Variants in MEGF6 observed in about 807,000 individuals in gnomAD.
The protein encoded by MEGF6 is multiple EGF like domains 6.
In MEGF6, 184 loss-of-function variants were observed where a neutral mutation model predicts 207.1. That is an observed-to-expected ratio of 0.89 (90% CI 0.79 to 1.00). MEGF6 has a LOEUF of 1.00. Ranked by LOEUF, MEGF6 falls within the 50% of genes least tolerant of loss-of-function variation. The pLI is 0.00. For missense variants in MEGF6, 2,282 were observed against 2,202.9 expected (o/e 1.04, Z -0.72); for synonymous variants, 1,038 against 910.0 (o/e 1.14, Z -2.53).
chr1:3,558,442 G>A (rs905660848), intron 4 of MEGF6, among the ~76,000 whole-genome samples: 2 of 152,130 alleles, frequency 1.3e-5, no homozygotes, highest in African/African-American at 2.4e-5. Context: ...CAATATGTTG[G>A]GACAACTAAG....
At chr1:3,529,300 G>A (rs1236600817) in intron 4 of MEGF6, among the ~76,000 whole-genome samples, 1 of 152,194 alleles carries the variant, frequency 6.6e-6, no homozygotes, top group Non-Finnish European at 1.5e-5. Flanking sequence ...GCCGAAAGGA[G>A]CTTGGAGGCC....
chr1:3,514,538 G>A lies in MEGF6; in HGVS notation c.853+12C>T, dbSNP rs1352507793. The A allele has an allele frequency of 6.3e-7, 1 of 1,586,302 alleles. No individual in the cohort carries two copies. The highest frequency in any genetic ancestry group is 1.1e-5 in the South Asian group (1 of 87,966). ...ACCCTGGGCGGGGCGGAGCAGGGGA[G>A]GGGCGTCCTACCTTCACAGGCCTTG... On this transcript the variant is annotated intron_variant, in intron 7 of 36. Coordinates refer to ENST00000356575, the MANE Select transcript of MEGF6 (RefSeq NM_001409.4).
At position 3,494,632 on chromosome 1, in the gene MEGF6, C is replaced by A. The variant is rs775334325; in HGVS notation, c.3981G>T (p.Thr1327=). The part of the protein sequence containing the change: ...NGSCSCGLGW[T]GRHCELACPP... ...ACTCACCCAGCTCGCAGTGCCGCCC[C>A]GTCCAGCCCAGGCCACAGGAGCAGC... The change falls in exon 31 of 37, where the codon ACG becomes ACT. Residue 1327 remains threonine (T), a synonymous_variant. Transcript: ENST00000356575. The A allele has an allele frequency of 2.2e-5, 34 of 1,562,764 alleles. No individual in the cohort carries two copies. In the African/African-American group the frequency reaches 4.5e-4, roughly 21 times the overall value.
At chr1:3,607,643 G>A (rs899202963) in intron 1 of MEGF6, among the ~76,000 whole-genome samples, 2 of 152,218 alleles carry the variant, frequency 1.3e-5, no homozygotes, top group African/African-American at 4.8e-5. Flanking sequence ...CTGCACATGG[G>A]TCTGAGGAGA....
chr1:3,544,425 AG>A (rs144268322), intron 4 of MEGF6, among the ~76,000 whole-genome samples: 6,798 of 147,502 alleles, frequency 0.046, 539 homozygotes, highest in African/African-American at 0.17. Context: ...GCCTTTGTGC[AG>A]GGGCCCTCGG....
chr1:3,508,231 C>T (rs1035929657), intron 13 of MEGF6, among the ~76,000 whole-genome samples: 4 of 152,318 alleles, frequency 2.6e-5, no homozygotes, highest in East Asian at 1.9e-4. Context: ...TGCCGGCTGC[C>T]CTTCAGCAGA....
In MEGF6 at chr1:3,494,024, G is replaced by T. The variant is rs765642734; in HGVS notation, c.4230C>A (p.Ala1410=). The T allele has an allele frequency of 2.3e-5, 37 of 1,608,394 alleles. No individual in the cohort carries two copies. The highest frequency in any genetic ancestry group is 3.0e-5 in the Non-Finnish European group (35 of 1,178,262). ...TCTCACAGAAGTGGCCGTGGAAGCCGGCAGGGCAGAGGCATCGGCCACTGA... is the reference window on the plus strand; with the variant it reads ...TCTCACAGAAGTGGCCGTGGAAGCCTGCAGGGCAGAGGCATCGGCCACTGA... ...DPISGRCLCP[A]GFHGHFCERG... The change falls in exon 33 of 37, where the codon GCC becomes GCA. Residue 1410 remains alanine (A), a synonymous_variant. Transcript: ENST00000356575.
At chr1:3,611,064 G>T in intron 1 of MEGF6, 74 bp downstream of exon 1, 1 of 1,377,778 alleles carries the variant, frequency 7.3e-7, no homozygotes, top group Non-Finnish European at 9.3e-7. Flanking sequence ...CTCGGAGCTC[G>T]GTCCACCACG....
At chr1:3,514,389 G>A (rs1382302437) in intron 7 of MEGF6, among the ~76,000 whole-genome samples, 161 bp downstream of exon 7, 2 of 152,232 alleles carry the variant, frequency 1.3e-5, no homozygotes, top group Non-Finnish European at 2.9e-5. Context: ...CCCCCAGCAA[G>A]GGAGATGAGA....
At position 3,495,938 on chromosome 1, in the gene MEGF6, C is replaced by G. The variant is rs369163322; in HGVS notation, c.3823G>C (p.Gly1275Arg). 1 of 1,594,858 alleles carries G rather than the reference C, an allele frequency of 6.3e-7. No individual in the cohort carries two copies. The highest frequency in any genetic ancestry group is 8.5e-7 in the Non-Finnish European group (1 of 1,177,880). The change falls in exon 30 of 37, where the codon GGC becomes CGC. Residue 1275 changes from glycine (G) to arginine (R), a missense_variant. Physicochemically the swap from Gly to Arg is moderately radical, Grantham distance 125 (BLOSUM62 -2). Transcript: ENST00000356575. ...GQGAACDPVT[G>R]TCLCPPGRAG... ...CTCCCCGGGGGGCAGAGGCAGGTGC[C>G]GGTCACAGGGTCGCAGGCCGCCCCC...
In MEGF6 at chr1:3,511,589, G is replaced by A. The variant is rs375741264; in HGVS notation, c.1075C>T (p.Arg359Cys). 53 of 1,611,958 alleles carry A rather than the reference G, an allele frequency of 3.3e-5. No individual in the cohort carries two copies. The highest frequency in any genetic ancestry group is 1.7e-4 in the Middle Eastern group (1 of 6,052). ...TSAGPLCTCPRGYELDTDQRT... is the reference protein window; with the variant it reads ...TSAGPLCTCPCGYELDTDQRT... ...TGATCTGTGTCCAGCTCGTAGCCGC[G>A]GGGACATGTGCACAGGGGCCCAGCA... is the stretch of plus-strand genomic sequence containing the variant. The change falls in exon 9 of 37, where the codon CGC becomes TGC. Residue 359 changes from arginine to cysteine, a missense_variant. Physicochemically the swap from Arg to Cys is radical, Grantham distance 180 (BLOSUM62 -3). Coordinates refer to ENST00000356575, the MANE Select transcript of MEGF6 (RefSeq NM_001409.4).
At chr1:3,522,798 A>G (rs529748648) in intron 5 of MEGF6, among the ~76,000 whole-genome samples, 1 of 152,098 alleles carries the variant, frequency 6.6e-6, no homozygotes, top group Non-Finnish European at 1.5e-5. Flanking sequence ...CTGCCCTTCT[A>G]CAAGGAATAC....
At chr1:3,554,435 T>C (rs1230620897) in intron 4 of MEGF6, among the ~76,000 whole-genome samples, 1 of 151,606 alleles carries the variant, frequency 6.6e-6, no homozygotes, top group Non-Finnish European at 1.5e-5. Flanking sequence ...GGCTTCAGCC[T>C]GGGGGAAGAG....
chr1:3,517,151 G>A (rs1023059350), intron 5 of MEGF6, among the ~76,000 whole-genome samples: 1 of 152,216 alleles, frequency 6.6e-6, no homozygotes, highest in Non-Finnish European at 1.5e-5. Context: ...TCTGGAACAC[G>A]TAATAGGAAA....
At chr1:3,505,864 A>T (rs1284579701) in intron 15 of MEGF6, among the ~76,000 whole-genome samples, 4 of 152,178 alleles carry the variant, frequency 2.6e-5, no homozygotes, top group Non-Finnish European at 5.9e-5. Flanking sequence ...CCACCCATCA[A>T]GGCTGGGAGG....
At chr1:3,559,889 T>C (rs1278881671) in intron 4 of MEGF6, among the ~76,000 whole-genome samples, 2 of 151,914 alleles carry the variant, frequency 1.3e-5, no homozygotes, top group Non-Finnish European at 2.9e-5. Context: ...CAAGTGCCTA[T>C]AATCCCAGCT....
intron 1 of MEGF6, among the ~76,000 whole-genome samples, chr1:3,604,108 A>T (rs2821016): frequency 7.9e-5 from 12 of 152,314 alleles, no homozygotes; most frequent in Middle Eastern, 3.4e-3. Flanking sequence ...CCACCCACGA[A>T]GGGGCAGACG....
chr1:3,563,433 G>A (rs905419976), intron 4 of MEGF6, among the ~76,000 whole-genome samples: 11 of 152,250 alleles, frequency 7.2e-5, no homozygotes, highest in South Asian at 2.1e-4. Context: ...TCCCCTCGTC[G>A]TAGCTGGAGT....
chr1:3,544,274 A>G (rs1642632285), intron 4 of MEGF6, among the ~76,000 whole-genome samples: 1 of 149,958 alleles, frequency 6.7e-6, no homozygotes, highest in African/African-American at 2.5e-5. Flanking sequence ...CTCTCCCCTC[A>G]GCATCACAGC....
Sources: gnomAD v4.1 joint callset for allele counts (sites outside exome capture counted in the v4.1 genomes callset) on GRCh38, gnomAD v4.1.1 for gene constraint, MANE v1.5 for transcripts, NCBI Gene and HGNC (gene_info 2026-07-23, HGNC 2026-07-21) for gene names.